Variants in MERTK observed in about 807,000 individuals in gnomAD.
The protein encoded by MERTK is MER proto-oncogene, tyrosine kinase.
Under a neutral mutation model 99.3 loss-of-function variants are expected in MERTK, and 69 were observed. The observed-to-expected ratio is 0.70, with a 90% confidence interval of 0.57 to 0.85. MERTK has a LOEUF of 0.85. Among genes scored for constraint, MERTK ranks in the 40% least tolerant of loss-of-function variants. The pLI, the probability that MERTK is intolerant of heterozygous loss-of-function variation, is 0.00. For synonymous variants in MERTK, 426 were observed against 467.6 expected, an observed-to-expected ratio of 0.91 and a Z score of 1.15; for missense variants, 1,125 against 1,249.4, an observed-to-expected ratio of 0.90 and a Z score of 1.50.
rs756874549 is a variant in MERTK at position 111,898,781 on chromosome 2, G to A, written c.46G>A (p.Ala16Thr). ...GCTGCTGCTGGGCCTCTTCCTCCCC[G>A]CGCTCTGGCGTAGAGGTGAGTGCGC... is the stretch of plus-strand genomic sequence containing the variant. Reference protein sequence around the residue: ...LPLLLGLFLPALWRRAITEAR... With the variant: ...LPLLLGLFLPTLWRRAITEAR... The change falls in exon 1 of 19, where the codon GCG (alanine) becomes ACG (threonine). Residue 16 changes from alanine to threonine, a missense_variant. Ala to Thr is a moderately conservative substitution (Grantham distance 58, BLOSUM62 0). Coordinates refer to ENST00000295408, the MANE Select transcript of MERTK (RefSeq NM_006343.3). The A allele has an allele frequency of 6.3e-7, 1 of 1,598,092 alleles. No individual in the cohort carries two copies. The highest frequency in any genetic ancestry group is 8.5e-7 in the Non-Finnish European group (1 of 1,173,158).
intron 7 of MERTK, among the ~76,000 whole-genome samples, chr2:111,982,327 G>C (rs576728196): frequency 2.0e-4 from 31 of 152,128 alleles, no homozygotes; most frequent in Non-Finnish European, 3.1e-4. Context: ...AAAGTGCTGG[G>C]ATTATAGGCA....
intron 4 of MERTK, among the ~76,000 whole-genome samples, chr2:111,959,731 G>A (rs1367303836): frequency 6.6e-6 from 1 of 152,106 alleles, no homozygotes; most frequent in Non-Finnish European, 1.5e-5. Flanking sequence ...CTGGACTCAA[G>A]CAATCCTCCT....
At chr2:111,971,955 TG>T (rs1676127366) in intron 6 of MERTK, among the ~76,000 whole-genome samples, 1 of 152,390 alleles carries the variant, frequency 6.6e-6, no homozygotes, top group Non-Finnish European at 1.5e-5. Flanking sequence ...TATCAGTTTT[TG>T]CTTCATGTTC....
intron 4 of MERTK, among the ~76,000 whole-genome samples, chr2:111,961,224 T>C (rs544738912): frequency 3.7e-4 from 54 of 145,782 alleles, no homozygotes; most frequent in African/African-American, 1.3e-3. Flanking sequence ...TGCAGTGGTG[T>C]GATCTCGGCT....
chr2:111,953,582 T>C (rs561944725), intron 4 of MERTK, among the ~76,000 whole-genome samples: 1 of 152,160 alleles, frequency 6.6e-6, no homozygotes, highest in African/African-American at 2.4e-5. Flanking sequence ...TTCTCTCTTT[T>C]TTTTTTGTTT....
intron 8 of MERTK, among the ~76,000 whole-genome samples, chr2:111,986,133 G>C (rs1372033825): frequency 6.6e-6 from 1 of 152,318 alleles, no homozygotes; most frequent in East Asian, 1.9e-4. Context: ...GAAAAAGAAG[G>C]CTTAGAAGTC....
At chr2:111,962,090 G>A (rs1685261289) in intron 4 of MERTK, among the ~76,000 whole-genome samples, 1 of 152,170 alleles carries the variant, frequency 6.6e-6, no homozygotes, top group Non-Finnish European at 1.5e-5. Flanking sequence ...AGCAAATGGT[G>A]GCATATTTTC....
intron 18 of MERTK, among the ~76,000 whole-genome samples, chr2:112,025,752 A>C (rs979505030): frequency 1.3e-5 from 2 of 152,240 alleles, no homozygotes; most frequent in Non-Finnish European, 2.9e-5. Flanking sequence ...GAGTAAAGTC[A>C]TACATTTACA....
intron 1 of MERTK, among the ~76,000 whole-genome samples, chr2:111,901,880 A>G (rs1684050691): frequency 6.6e-6 from 1 of 151,588 alleles, no homozygotes; most frequent in South Asian, 2.1e-4. Context: ...AAAATTAACA[A>G]TAATTATGTT....
intron 2 of MERTK, among the ~76,000 whole-genome samples, chr2:111,944,715 A>G (rs1008537996): frequency 7.2e-5 from 11 of 152,152 alleles, no homozygotes; most frequent in African/African-American, 2.2e-4. Flanking sequence ...GCCTGCCCCC[A>G]TCATGAAGAG....
chr2:111,939,952 A>G (rs1281689751), intron 2 of MERTK, among the ~76,000 whole-genome samples: 1 of 152,014 alleles, frequency 6.6e-6, no homozygotes, highest in Non-Finnish European at 1.5e-5. Context: ...TATTTAGGAG[A>G]TGCCTGTCCT....
At chr2:111,961,321 C>T (rs969699927) in intron 4 of MERTK, among the ~76,000 whole-genome samples, 1 of 151,708 alleles carries the variant, frequency 6.6e-6, no homozygotes, top group Admixed American at 6.6e-5. Context: ...CCACAACGCC[C>T]GGCTAATTTT....
chr2:111,944,511 A>ATTTCCTCTGTTTT (rs1684924142), intron 2 of MERTK, among the ~76,000 whole-genome samples: 1 of 152,308 alleles, frequency 6.6e-6, no homozygotes, highest in Non-Finnish European at 1.5e-5. Flanking sequence ...TCCTTAAAAT[A>ATTTCCTCTGTTTT]ATTCCTCTGT....
intron 2 of MERTK, chr2:111,940,827 AC>A (rs1684850555): frequency 1.6e-5 from 15 of 966,314 alleles, no homozygotes; most frequent in Non-Finnish European, 2.3e-5. Flanking sequence ...GAATCTTTAA[AC>A]GACAGTTAAC....
rs191891946 is a variant in MERTK, at chr2:111,901,687, C to G, written c.61+2891C>G. ...CCTCCCACCTCAGCCTCCCAAGTAG[C>G]TATGACCACAGGCACATACCACCAT... is the stretch of plus-strand genomic sequence containing the variant. On this transcript the variant is annotated intron_variant, in intron 1 of 18. Coordinates refer to ENST00000295408, the MANE Select transcript of MERTK (RefSeq NM_006343.3). 7.1e-3 allele frequency among the ~76,000 whole-genome samples: 1,077 copies of G among 151,390 alleles called. 2 individuals carry two copies. Among genetic ancestry groups the G allele is most frequent in the Non-Finnish European group, 0.012 (822 of 67,916 alleles).
chr2:111,994,486 G>A (rs766317997), intron 9 of MERTK, 82 bp downstream of exon 9: 1 of 1,550,460 alleles, frequency 6.4e-7, no homozygotes, highest in Non-Finnish European at 8.9e-7. Context: ...CCTGGGGGAT[G>A]GATGGCTGAT....
intron 1 of MERTK, chr2:111,913,121 A>G: frequency 1.0e-6 from 1 of 972,042 alleles, no homozygotes; most frequent in Non-Finnish European, 1.2e-6. Context: ...AAGATATTGA[A>G]CATAGATTTG....
chr2:111,898,672 G>T lies in MERTK; in HGVS notation c.-64G>T. The T allele has an allele frequency of 6.4e-7, 1 of 1,558,734 alleles. No individual in the cohort carries two copies. Among genetic ancestry groups the T allele is most frequent in the South Asian group, 1.2e-5 (1 of 85,452 alleles). On this transcript the variant is annotated 5_prime_UTR_variant, in exon 1 of 19. Transcript: ENST00000295408. ...CGCTGGCGCGCTTGGCCGGCGACAG[G>T]ACAGGTTCGGGACGTCCATCTGTCC...
chr2:111,916,067 G>T (rs1573567636), intron 1 of MERTK, among the ~76,000 whole-genome samples: 1 of 152,200 alleles, frequency 6.6e-6, no homozygotes, highest in East Asian at 1.9e-4. Flanking sequence ...GAAAGAATGT[G>T]TATTCTATTG....
Sources: allele counts gnomAD v4.1 joint callset (sites outside exome capture counted in the v4.1 genomes callset), GRCh38; gene constraint gnomAD v4.1.1; transcripts MANE v1.5; gene names NCBI Gene and HGNC (gene_info 2026-07-23, HGNC 2026-07-21).